Variants in PRKG1 observed in about 807,000 individuals in gnomAD.
PRKG1 encodes cGMP-dependent protein kinase 1.
In PRKG1, 35 loss-of-function variants were observed where a neutral mutation model predicts 88.1. That is an observed-to-expected ratio of 0.40 (90% confidence interval 0.30 to 0.53). PRKG1 has a LOEUF of 0.53. Among genes scored for constraint, PRKG1 ranks in the 20% least tolerant of loss-of-function variants. The pLI, the probability that PRKG1 is intolerant of heterozygous loss-of-function variation, is 0.59. For missense variants in PRKG1, 540 were observed against 839.8 expected, an observed-to-expected ratio of 0.64 and a Z score of 4.41; for synonymous variants, 303 against 292.5, an observed-to-expected ratio of 1.04 and a Z score of -0.37.
At chr10:51,138,429 G>A (rs936061851) in intron 1 of PRKG1, among the ~76,000 whole-genome samples, 4 of 152,070 alleles carry the variant, frequency 2.6e-5, no homozygotes, top group South Asian at 2.1e-4. Context: ...TCTCTTTCAC[G>A]TTCACTATTG....
intron 3 of PRKG1, among the ~76,000 whole-genome samples, chr10:51,771,383 G>A (rs1483294001): frequency 2.6e-5 from 4 of 152,078 alleles, no homozygotes; most frequent in East Asian, 1.9e-4. Context: ...AAGCATTTCC[G>A]GAATTTGCTT....
chr10:51,149,126 A>G (rs935396857), intron 1 of PRKG1, among the ~76,000 whole-genome samples: 1 of 152,114 alleles, frequency 6.6e-6, no homozygotes, highest in Admixed American at 6.6e-5. Context: ...TCTACTTAGA[A>G]TGCTTTTCCT....
intron 3 of PRKG1, among the ~76,000 whole-genome samples, chr10:51,628,026 CTTTCTTTCT>C: frequency 7.7e-6 from 1 of 129,914 alleles, no homozygotes. Context: ...TTCTTTCTTT[CTTTCTTTCT>C]TTCCTTCCTT....
chr10:51,096,063 C>T (rs756970591), intron 1 of PRKG1, among the ~76,000 whole-genome samples: 4 of 151,956 alleles, frequency 2.6e-5, no homozygotes, highest in Non-Finnish European at 5.9e-5. Flanking sequence ...GATATTATTA[C>T]ATAAGAATTA....
chr10:51,781,401 G>A (rs958904271), intron 3 of PRKG1, among the ~76,000 whole-genome samples: 1 of 152,078 alleles, frequency 6.6e-6, no homozygotes, highest in Non-Finnish European at 1.5e-5. Context: ...AGGCAAGAGG[G>A]AAATTATAGC....
At chr10:51,230,808 G>A (rs1002362684) in intron 2 of PRKG1, among the ~76,000 whole-genome samples, 1 of 151,350 alleles carries the variant, frequency 6.6e-6, no homozygotes, top group African/African-American at 2.4e-5. Flanking sequence ...GCCTGCACAT[G>A]TTCAGTACAG....
intron 2 of PRKG1, among the ~76,000 whole-genome samples, chr10:51,361,217 C>T (rs148279409): frequency 1.3e-5 from 2 of 151,926 alleles, no homozygotes; most frequent in Non-Finnish European, 2.9e-5. Flanking sequence ...CCACCACTAA[C>T]GTCACTGCCA....
In PRKG1 at chr10:52,294,269, T is replaced by C. The variant is rs947908835; in HGVS notation, c.*369T>C. Reference sequence around the variant, plus strand: ...TACCTTGCTGGAATATTCAAGAAGATGAAAGAATAATATATTGGGTACAAT... The same window carrying C: ...TACCTTGCTGGAATATTCAAGAAGACGAAAGAATAATATATTGGGTACAAT... On this transcript the variant is annotated 3_prime_UTR_variant, in exon 18 of 18. Coordinates refer to ENST00000373980, the MANE Select transcript of PRKG1 (RefSeq NM_006258.4). 6.0e-6 allele frequency: 1 copy of C among 166,754 alleles called. No homozygotes were observed. Among genetic ancestry groups the C allele is most frequent in the Admixed American group, 6.2e-5 (1 of 16,238 alleles). The allele number at this position is 166,754 out of a possible 1,614,324, so 10.3% of individuals were successfully genotyped here.
intron 9 of PRKG1, among the ~76,000 whole-genome samples, chr10:52,163,498 A>G (rs1170938763): frequency 6.6e-6 from 1 of 151,972 alleles, no homozygotes; most frequent in Non-Finnish European, 1.5e-5. Flanking sequence ...TTGTAGACTA[A>G]TGTATTTTTG....
intron 2 of PRKG1, among the ~76,000 whole-genome samples, chr10:51,186,665 C>T (rs930893949): frequency 6.6e-6 from 1 of 151,842 alleles, no homozygotes; most frequent in East Asian, 1.9e-4. Flanking sequence ...TGTGCTTCCT[C>T]TGCTTGACTT....
At chr10:51,026,099 A>T (rs1253398852) in intron 1 of PRKG1, among the ~76,000 whole-genome samples, 1 of 152,164 alleles carries the variant, frequency 6.6e-6, no homozygotes, top group African/African-American at 2.4e-5. Context: ...AACACCAAAG[A>T]TTGACAGCAA....
chr10:51,236,631 C>A (rs904873384), intron 2 of PRKG1, among the ~76,000 whole-genome samples: 10 of 151,698 alleles, frequency 6.6e-5, no homozygotes, highest in Non-Finnish European at 1.3e-4. Flanking sequence ...GCCTCCCGAG[C>A]AGCTGAGACT....
chr10:51,454,011 T>C lies in PRKG1; in HGVS notation c.479-13712T>C, dbSNP rs184387733. Among the ~76,000 whole-genome samples the C allele has an allele frequency of 2.6e-4, 40 of 151,974 alleles. No homozygotes were observed. The East Asian group carries it at 6.8e-3, about 26-fold the overall frequency. ...CCATTTTACAACAGCTGCTCAAAAA[T>C]AAAATGCTTAGGAATATACCTAACC... On this transcript the variant is annotated intron_variant, in intron 2 of 17. Coordinates refer to ENST00000373980, the MANE Select transcript of PRKG1 (RefSeq NM_006258.4).
chr10:51,071,336 A>G (rs1843823856), upstream of PRKG1, among the ~76,000 whole-genome samples: 2 of 152,212 alleles, frequency 1.3e-5, no homozygotes, highest in South Asian at 4.1e-4. Flanking sequence ...TTACTTTAAA[A>G]ATGAAAGAGA....
intron 3 of PRKG1, among the ~76,000 whole-genome samples, chr10:51,585,577 TAAAAG>T (rs976467011): frequency 3.1e-4 from 47 of 152,212 alleles, no homozygotes; most frequent in African/African-American, 1.1e-3. Context: ...TCAATGAACT[TAAAAG>T]AGAACTACCA....
intron 1 of PRKG1, among the ~76,000 whole-genome samples, chr10:51,149,204 C>T (rs568953761): frequency 1.1e-4 from 17 of 152,138 alleles, no homozygotes; most frequent in African/African-American, 3.6e-4. Flanking sequence ...TTCAGAGAGG[C>T]CTTCCTGACC....
rs576453601 is a variant in PRKG1 at position 52,227,496 on chromosome 10, T to C, written c.1077-24074T>C. Among the ~76,000 whole-genome samples the C allele has an allele frequency of 2.7e-4, 41 of 152,292 alleles. No homozygotes were observed. The South Asian group carries it at 7.9e-3, about 29-fold the overall frequency. Reference sequence around the variant, plus strand: ...TAAAGCATTTACATTGTATCTGTTATTATAAGTAATCTAGAGATAATTTAA... The same window carrying C: ...TAAAGCATTTACATTGTATCTGTTACTATAAGTAATCTAGAGATAATTTAA... On this transcript the variant is annotated intron_variant, in intron 9 of 17. Coordinates refer to ENST00000373980, the MANE Select transcript of PRKG1 (RefSeq NM_006258.4).
intron 3 of PRKG1, among the ~76,000 whole-genome samples, chr10:51,661,763 T>G (rs1204700387): frequency 6.6e-6 from 1 of 152,186 alleles, no homozygotes; most frequent in African/African-American, 2.4e-5. Context: ...CATGCTGCTA[T>G]AAAGACACAT....
intron 1 of PRKG1, among the ~76,000 whole-genome samples, chr10:51,030,482 C>T (rs948594599): frequency 6.6e-6 from 1 of 152,130 alleles, no homozygotes; most frequent in African/African-American, 2.4e-5. Flanking sequence ...ATAGAAAGTG[C>T]TTCCTGATGC....
Sources: allele counts gnomAD v4.1 joint callset (sites outside exome capture counted in the v4.1 genomes callset), GRCh38; gene constraint gnomAD v4.1.1; transcripts MANE v1.5; gene names NCBI Gene and HGNC (gene_info 2026-07-23, HGNC 2026-07-21).